The following PSMD1 variants were observed in gnomAD, a reference collection of about 807,000 sequenced individuals.
The protein encoded by PSMD1 is 26S proteasome non-ATPase regulatory subunit 1.
In PSMD1, 18 loss-of-function variants were observed where a neutral mutation model predicts 119.0. That is an observed-to-expected ratio of 0.15 (90% confidence interval 0.10 to 0.22). The LOEUF is 0.22. Among genes scored for constraint, PSMD1 ranks in the 10% least tolerant of loss-of-function variants. The pLI, the probability that PSMD1 is intolerant of heterozygous loss-of-function variation, is 1.00. For synonymous variants in PSMD1, 374 were observed against 396.6 expected (o/e 0.94, Z 0.68); for missense variants, 702 against 1,158.5 (o/e 0.61, Z 5.72).
chr2:231,165,037 TATATATATATATATA>T (rs1696736055), intron 21 of PSMD1, 148 bp from the exon 22 acceptor site: 126 of 7,976 alleles, frequency 0.016, 7 homozygotes, highest in Admixed American at 0.029. Context: ...TATATATTTA[TATATATATATATATA>T]TATATATATA....
At position 231,062,327 on chromosome 2, in the gene PSMD1, A is replaced by G; in HGVS notation, c.134+6A>G. 1 of 1,595,658 alleles carries G rather than the reference A, an allele frequency of 6.3e-7. No individual in the cohort carries two copies. The highest frequency in any genetic ancestry group is 8.6e-7 in the Non-Finnish European group (1 of 1,164,084). On this transcript the variant is annotated splice_donor_region_variant and intron_variant, in intron 3 of 24. Transcript: ENST00000308696. Reference sequence around the variant, plus strand: ...TCCGAGTCCGTAGACAAAATGTAAGAAATTATTTTTATAAATCAGAATAAG... The same window carrying G: ...TCCGAGTCCGTAGACAAAATGTAAGGAATTATTTTTATAAATCAGAATAAG...
chr2:231,062,431 C>G, intron 3 of PSMD1, 75 bp from the exon 4 acceptor site: 1 of 1,548,112 alleles, frequency 6.5e-7, no homozygotes, highest in East Asian at 2.3e-5. Context: ...TGAATTGTGG[C>G]TTGAATATTT....
At chr2:231,164,055 A>G (rs116649480) in intron 21 of PSMD1, among the ~76,000 whole-genome samples, 3,482 of 152,210 alleles carry the variant, frequency 0.023, 134 homozygotes, top group African/African-American at 0.079. Context: ...AAAACTTTCA[A>G]TGTATACAGA....
At chr2:231,069,493 G>T (rs1693989846) in intron 5 of PSMD1, among the ~76,000 whole-genome samples, 1 of 152,138 alleles carries the variant, frequency 6.6e-6, no homozygotes, top group Non-Finnish European at 1.5e-5. Flanking sequence ...ATACTTTTGA[G>T]AATCACCAAG....
intron 1 of PSMD1, among the ~76,000 whole-genome samples, chr2:231,058,255 A>C (rs992557598): frequency 1.3e-5 from 2 of 152,142 alleles, no homozygotes; most frequent in Non-Finnish European, 2.9e-5. Flanking sequence ...TCCATTACCA[A>C]TGTTTCTTCT....
chr2:231,082,785 C>T, intron 12 of PSMD1, 98 bp from the exon 13 acceptor site: 1 of 855,738 alleles, frequency 1.2e-6, no homozygotes, highest in South Asian at 1.6e-5. Context: ...GAGCCAACCT[C>T]TGCATATTTA....
chr2:231,090,454 G>A (rs1694563740), intron 16 of PSMD1, among the ~76,000 whole-genome samples: 1 of 152,190 alleles, frequency 6.6e-6, no homozygotes, highest in African/African-American at 2.4e-5. Context: ...AGCTACTCAG[G>A]AGGCTGAGGC....
chr2:231,132,157 A>T (rs1055377375), intron 16 of PSMD1, among the ~76,000 whole-genome samples: 16 of 152,212 alleles, frequency 1.1e-4, no homozygotes, highest in Admixed American at 5.2e-4. Flanking sequence ...CTTAAGTCTA[A>T]CTTCTATCCC....
chr2:231,076,986 A>G (rs757406044), intron 8 of PSMD1, 48 bp from the exon 9 acceptor site: 7 of 1,545,414 alleles, frequency 4.5e-6, no homozygotes, highest in Admixed American at 2.1e-5. Flanking sequence ...ACTGGATTAT[A>G]GTAATACTGT....
chr2:231,095,656 G>A (rs554628700), intron 16 of PSMD1, among the ~76,000 whole-genome samples: 12 of 152,146 alleles, frequency 7.9e-5, no homozygotes, highest in Non-Finnish European at 1.2e-4. Flanking sequence ...ATTGATAGCT[G>A]GTATGGTAAA....
chr2:231,130,923 A>G (rs140040340), intron 16 of PSMD1, among the ~76,000 whole-genome samples: 3 of 152,234 alleles, frequency 2.0e-5, no homozygotes, highest in Non-Finnish European at 4.4e-5. Flanking sequence ...TATACTGAAG[A>G]AAGATTTAGG....
intron 18 of PSMD1, among the ~76,000 whole-genome samples, chr2:231,147,017 A>G (rs1228831733): frequency 6.6e-6 from 1 of 152,236 alleles, no homozygotes; most frequent in Non-Finnish European, 1.5e-5. Context: ...CTCAGTGCAC[A>G]GCAGCCCCTG....
intron 4 of PSMD1, among the ~76,000 whole-genome samples, chr2:231,065,000 C>G (rs1693865649): frequency 6.6e-6 from 1 of 151,294 alleles, no homozygotes; most frequent in Non-Finnish European, 1.5e-5. Context: ...CTTCATGGTT[C>G]CAGCTGAATC....
intron 2 of PSMD1, among the ~76,000 whole-genome samples, chr2:231,061,834 T>A (rs1693768119): frequency 6.6e-6 from 1 of 152,188 alleles, no homozygotes; most frequent in African/African-American, 2.4e-5. Flanking sequence ...CCTCCCAAAG[T>A]ACTGGGATTA....
chr2:231,120,064 G>A (rs1695483778), intron 16 of PSMD1, among the ~76,000 whole-genome samples: 2 of 150,314 alleles, frequency 1.3e-5, no homozygotes, highest in South Asian at 4.2e-4. Flanking sequence ...CTATTCTCCT[G>A]CCTCAGTCTC....
chr2:231,089,764 A>G lies in PSMD1; in HGVS notation c.1883+2583A>G, dbSNP rs903155903. Among the ~76,000 whole-genome samples the G allele has an allele frequency of 3.3e-5, 5 of 152,288 alleles. No homozygotes were observed. The East Asian group carries it at 5.8e-4, about 18-fold the overall frequency. ...GGCAGGAAGCATCCAGCACAGGAGA[A>G]GGATGTAGGCTGGAGGCTAATCCAG... On this transcript the variant is annotated intron_variant, in intron 16 of 24. Transcript: ENST00000308696.
rs1396588923 is a variant in PSMD1, at chr2:231,072,525, G to A, written c.881+110G>A. The A allele has an allele frequency of 1.3e-5, 12 of 956,234 alleles. No individual in the cohort carries two copies. The East Asian group carries it at 2.8e-4, about 22-fold the overall frequency. 59.2% of individuals were successfully genotyped at this position (956,234 alleles called of 1,614,324 possible). The stretch of plus-strand genomic sequence containing the variant: ...ATTCTAAGAATAAATTTTGCCACTA[G>A]CTTTCATAGATTGTAAAGTCTTATT... On this transcript the variant is annotated intron_variant, in intron 7 of 24. Transcript: ENST00000308696.
At chr2:231,154,877 C>T (rs982833885) in intron 19 of PSMD1, among the ~76,000 whole-genome samples, 1 of 152,196 alleles carries the variant, frequency 6.6e-6, no homozygotes, top group Non-Finnish European at 1.5e-5. Flanking sequence ...AGCCAGATCA[C>T]TTATAAAATA....
intron 16 of PSMD1, among the ~76,000 whole-genome samples, chr2:231,110,251 C>G (rs1695110970): frequency 6.6e-6 from 1 of 150,888 alleles, no homozygotes; most frequent in South Asian, 2.1e-4. Context: ...ACCCAGGAGG[C>G]CGAGGTTGCA....
Sources: gnomAD v4.1 joint callset for allele counts (sites outside exome capture counted in the v4.1 genomes callset) on GRCh38, gnomAD v4.1.1 for gene constraint, MANE v1.5 for transcripts, NCBI Gene and HGNC (gene_info 2026-07-23, HGNC 2026-07-21) for gene names.